SCYL2: variants seen among roughly 807,000 people sequenced by gnomAD.
SCYL2 encodes the protein SCY1-like protein 2.
Under a neutral mutation model 100.4 loss-of-function variants are expected in SCYL2, and 36 were observed. That is an observed-to-expected ratio of 0.36 (90% CI 0.27 to 0.47). The LOEUF is 0.47. SCYL2 is among the 20% of genes least tolerant of loss of function. SCYL2 has a pLI of 1.00. For synonymous variants in SCYL2, 330 were observed against 359.2 expected (o/e 0.92, Z 0.92); for missense variants, 902 against 1,083.9 (o/e 0.83, Z 2.36).
chr12:100,315,184 T>G (rs2096346965), intron 8 of SCYL2, among the ~76,000 whole-genome samples: 1 of 152,190 alleles, frequency 6.6e-6, no homozygotes, highest in African/African-American at 2.4e-5. Flanking sequence ...GCCCTTATAG[T>G]AAGTGTAGCT....
Position 100,329,303 on chromosome 12 carries a change from A to G in SCYL2, c.1745A>G (p.Asn582Ser), listed in dbSNP as rs923076103. 5 of 1,519,926 alleles carry G rather than the reference A, an allele frequency of 3.3e-6. No homozygotes were observed. The highest frequency in any genetic ancestry group is 1.7e-5 in the Admixed American group (1 of 59,832). 94.2% of individuals were successfully genotyped at this position (1,519,926 alleles called of 1,614,324 possible). ...CTTATTCCCCTGAGTATTGAAAACAATCTTAATCTTAATCAGGTAGGAGTA... is the reference window on the plus strand; with the variant it reads ...CTTATTCCCCTGAGTATTGAAAACAGTCTTAATCTTAATCAGGTAGGAGTA... ...PHLIPLSIEN[N>S]LNLNQFNSFI... The change falls in exon 13 of 18, where the codon AAT (asparagine) becomes AGT (serine). Residue 582 changes from asparagine (N) to serine (S), a missense_variant. Coordinates refer to ENST00000360820, the MANE Select transcript of SCYL2 (RefSeq NM_017988.6).
Position 100,323,062 on chromosome 12 carries a change from T to C in SCYL2, c.1396-463T>C, listed in dbSNP as rs146959732. Reference sequence around the variant, plus strand: ...AAAAAAAAAAAAATTAAACACTCCTTTCGGTATGTTGTTTTAAAAAACTGT... The same window carrying C: ...AAAAAAAAAAAAATTAAACACTCCTCTCGGTATGTTGTTTTAAAAAACTGT... On this transcript the variant is annotated intron_variant, in intron 10 of 17. Transcript: ENST00000360820. Among the ~76,000 whole-genome samples the C allele has an allele frequency of 7.6e-3, 1,162 of 152,016 alleles. 11 individuals carry two copies. Among genetic ancestry groups the C allele is most frequent in the Middle Eastern group, 0.01 (3 of 290 alleles).
intron 1 of SCYL2, among the ~76,000 whole-genome samples, chr12:100,271,514 T>C (rs2096287689): frequency 6.6e-6 from 1 of 152,232 alleles, no homozygotes; most frequent in African/African-American, 2.4e-5. Flanking sequence ...GGCATTTACA[T>C]ACAAATCTCA....
intron 3 of SCYL2, among the ~76,000 whole-genome samples, chr12:100,294,723 C>G (rs1345137109): frequency 3.3e-5 from 4 of 122,652 alleles, no homozygotes; most frequent in Non-Finnish European, 6.6e-5. Context: ...CCCTCCCGGA[C>G]GGGGTGGCTG....
At chr12:100,298,238 C>T (rs535916038) in intron 4 of SCYL2, 63 bp downstream of exon 4, 3 of 1,206,286 alleles carry the variant, frequency 2.5e-6, no homozygotes, top group Non-Finnish European at 3.4e-6. Flanking sequence ...TTTGGCATTT[C>T]AAACTTATTA....
intron 2 of SCYL2, among the ~76,000 whole-genome samples, chr12:100,283,576 G>T (rs1232010513): frequency 3.3e-5 from 5 of 152,126 alleles, no homozygotes; most frequent in Non-Finnish European, 7.3e-5. Flanking sequence ...TCAGTGCTGG[G>T]ATTACAGCGT....
At chr12:100,305,339 G>C (rs921552581) in intron 4 of SCYL2, among the ~76,000 whole-genome samples, 12 of 152,192 alleles carry the variant, frequency 7.9e-5, no homozygotes, top group African/African-American at 2.9e-4. Flanking sequence ...TAGAACTCAG[G>C]ATTAAGAAAC....
At chr12:100,282,902 T>A in intron 1 of SCYL2, 41 bp from the exon 2 acceptor site, 1 of 950,818 alleles carries the variant, frequency 1.1e-6, no homozygotes, top group Non-Finnish European at 1.6e-6. Flanking sequence ...CTTATATAGA[T>A]AAGAAATGAT....
chr12:100,309,127 T>TGTGTGTGC (rs1391196826), intron 4 of SCYL2, among the ~76,000 whole-genome samples: 5 of 151,586 alleles, frequency 3.3e-5, no homozygotes, highest in African/African-American at 1.2e-4. Flanking sequence ...TGTGTGTGTG[T>TGTGTGTGC]GTGTGTGCGC....
chr12:100,337,392 A>G lies in SCYL2; in HGVS notation c.2031A>G (p.Ser677=). Residue 677 remains serine, a synonymous_variant, in exon 17 of 18, where the codon TCA becomes TCG. Coordinates refer to ENST00000360820, the MANE Select transcript of SCYL2 (RefSeq NM_017988.6). ...TTGCTTTATTTTGTTTTAAGGCATC[A>G]CTTACACTTGAAGAAAAACAAAAAT... ...DGLQNKHKRA[S]LTLEEKQKLA... 6.2e-7 allele frequency: 1 copy of G among 1,602,708 alleles called. No individual in the cohort carries two copies. The highest frequency in any genetic ancestry group is 1.1e-5 in the South Asian group (1 of 88,108).
rs1421159089 is a variant in SCYL2, at chr12:100,321,861, A to G, written c.1396-1664A>G. 3.3e-5 allele frequency among the ~76,000 whole-genome samples: 5 copies of G among 151,902 alleles called. No homozygotes were observed. In the East Asian group the frequency reaches 9.7e-4, roughly 29 times the overall value. ...AGTTTGAGACCTGCCTGGGCAACAT[A>G]GTAAGACCCTGTCTGTACCAAAAAT... is the stretch of plus-strand genomic sequence containing the variant. On this transcript the variant is annotated intron_variant, in intron 10 of 17. Coordinates refer to ENST00000360820, the MANE Select transcript of SCYL2 (RefSeq NM_017988.6).
At chr12:100,312,384 G>A (rs1303139784) in intron 5 of SCYL2, 48 bp from the exon 6 acceptor site, 1 of 1,327,684 alleles carries the variant, frequency 7.5e-7, no homozygotes, top group South Asian at 1.2e-5. Flanking sequence ...CTTGATAGTT[G>A]TTTGGTTGAA....
chr12:100,301,119 G>A (rs2096327026), intron 4 of SCYL2, among the ~76,000 whole-genome samples: 1 of 152,214 alleles, frequency 6.6e-6, no homozygotes, highest in Admixed American at 6.5e-5. Context: ...CCCGCCAACA[G>A]TGTACGAGGG....
chr12:100,288,280 ACTAT>A (rs1163920540), intron 2 of SCYL2, among the ~76,000 whole-genome samples: 1 of 152,088 alleles, frequency 6.6e-6, no homozygotes, highest in East Asian at 1.9e-4. Flanking sequence ...AAAACAATGG[ACTAT>A]CTGAGAGAAT....
intron 2 of SCYL2, among the ~76,000 whole-genome samples, chr12:100,290,989 T>A (rs895103908): frequency 6.6e-6 from 1 of 152,166 alleles, no homozygotes; most frequent in Non-Finnish European, 1.5e-5. Flanking sequence ...AGTAACCGTT[T>A]ACATTTACTG....
At chr12:100,292,817 T>C (rs1248476048) in intron 3 of SCYL2, among the ~76,000 whole-genome samples, 1 of 152,152 alleles carries the variant, frequency 6.6e-6, no homozygotes, top group Admixed American at 6.5e-5. Flanking sequence ...AATATGCTAA[T>C]GTGTCAGTTG....
At chr12:100,275,864 T>C (rs1178707859) in intron 1 of SCYL2, among the ~76,000 whole-genome samples, 1 of 152,232 alleles carries the variant, frequency 6.6e-6, no homozygotes, top group Non-Finnish European at 1.5e-5. Flanking sequence ...TGTTCTTAGT[T>C]TCCTAAGAGT....
chr12:100,303,206 C>T (rs1450963606), intron 4 of SCYL2, among the ~76,000 whole-genome samples: 2 of 152,014 alleles, frequency 1.3e-5, no homozygotes, highest in Admixed American at 1.3e-4. Context: ...TCCTTTAGCT[C>T]GGAGGAGTTT....
At chr12:100,279,346 T>C (rs1292155374) in intron 1 of SCYL2, among the ~76,000 whole-genome samples, 1 of 152,236 alleles carries the variant, frequency 6.6e-6, no homozygotes, top group Non-Finnish European at 1.5e-5. Context: ...TAGGCAGTAA[T>C]GCTTGCTCGC....
Sources: allele counts gnomAD v4.1 joint callset (sites outside exome capture counted in the v4.1 genomes callset), GRCh38; gene constraint gnomAD v4.1.1; transcripts MANE v1.5; gene names NCBI Gene and HGNC (gene_info 2026-07-23, HGNC 2026-07-21).